Variants in TBXA2R observed in about 807,000 individuals in gnomAD.
The protein encoded by TBXA2R is thromboxane A2 receptor, also known as prostanoid TP receptor.
TBXA2R carries 15 observed loss-of-function variants against 15.6 expected under a neutral mutation model. The observed-to-expected ratio is 0.96, with a 90% CI of 0.64 to 1.48. TBXA2R has a LOEUF of 1.48. Ranked by LOEUF, TBXA2R falls within the 40% of genes most tolerant of loss-of-function variation. The pLI, the probability that TBXA2R is intolerant of heterozygous loss-of-function variation, is 0.00. For missense variants in TBXA2R, 506 were observed against 491.4 expected (o/e 1.03, Z -0.28); for synonymous variants, 280 against 241.2 (o/e 1.16, Z -1.49).
chr19:3,596,742 C>T lies in TBXA2R; in HGVS notation c.787-809G>A, dbSNP rs373827894. Reference sequence around the variant, plus strand: ...GACTACAGGCGCCCACCACCACATCCGGCTAATTTTTTGTATTTTTAGTAG... The same window carrying T: ...GACTACAGGCGCCCACCACCACATCTGGCTAATTTTTTGTATTTTTAGTAG... On this transcript the variant is annotated intron_variant, in intron 2 of 2. Coordinates refer to ENST00000375190, the MANE Select transcript of TBXA2R (RefSeq NM_001060.6). 6.8e-4 allele frequency among the ~76,000 whole-genome samples: 99 copies of T among 146,186 alleles called. 1 individual carries two copies. In the East Asian group the frequency reaches 0.019, roughly 27 times the overall value.
chr19:3,599,360 C>G (rs970574435), intron 2 of TBXA2R, among the ~76,000 whole-genome samples: 1 of 148,040 alleles, frequency 6.8e-6, no homozygotes, highest in Non-Finnish European at 1.5e-5. Context: ...GACGGAGTCT[C>G]GCTCTGTCGC....
chr19:3,595,457 G>A lies in TBXA2R; in HGVS notation c.*231C>T. 8 of 1,419,746 alleles carry A rather than the reference G, an allele frequency of 5.6e-6. No homozygotes were observed. The highest frequency in any genetic ancestry group is 2.5e-5 in the East Asian group (1 of 39,598). 87.9% of individuals were successfully genotyped at this position (1,419,746 alleles called of 1,614,324 possible). A position where few individuals can be genotyped will look rare whatever the true frequency, so the allele number is the denominator to read the frequency against. ...GGGTTGGGAGGGACGCAGAGAAGGG[G>A]TGGGAGCTCTGGATGGGAAAAAGGG... On this transcript the variant is annotated 3_prime_UTR_variant, in exon 3 of 3. Transcript: ENST00000375190.
intron 2 of TBXA2R, among the ~76,000 whole-genome samples, chr19:3,598,503 A>AT (rs1364081797): frequency 6.6e-6 from 1 of 150,718 alleles, no homozygotes; most frequent in Non-Finnish European, 1.5e-5. Context: ...GGAGTGTGCC[A>AT]TCATGGTTAG....
Position 3,600,488 on chromosome 19 carries a change from C to T in TBXA2R, c.147G>A (p.Leu49=). ...LASNLLALSV[L]AGARQGGSHT... ...GCGAACCCCCCTGCCGCGCGCCCGC[C>T]AGCACGCTCAGGGCCAGCAGGTTGG... The change falls in exon 2 of 3, where the codon CTG becomes CTA. Residue 49 remains leucine, a synonymous_variant. Coordinates refer to ENST00000375190, the MANE Select transcript of TBXA2R (RefSeq NM_001060.6). 6.2e-7 allele frequency: 1 copy of T among 1,612,870 alleles called. No homozygotes were observed. The highest frequency in any genetic ancestry group is 8.5e-7 in the Non-Finnish European group (1 of 1,179,644).
chr19:3,599,325 TTTTATTTTTTA>T lies in TBXA2R; in HGVS notation c.786+513_786+523del, dbSNP rs1276397361. The stretch of plus-strand genomic sequence containing the variant: ...ACATGCCACCATGTCTGGCTAATTT[TTTTATTTTTTA>T]TTTTTTTTTTTGAGACGGAGTCTCG... On this transcript the variant is annotated intron_variant, in intron 2 of 2. Coordinates refer to ENST00000375190, the MANE Select transcript of TBXA2R (RefSeq NM_001060.6). Among the ~76,000 whole-genome samples the T allele has an allele frequency of 1.7e-4, 16 of 96,646 alleles. 1 individual carries two copies. Among genetic ancestry groups the T allele is most frequent in the Admixed American group, 1.9e-4 (2 of 10,770 alleles). The allele number at this position is 96,646 out of a possible 152,430, so 63.4% of individuals were successfully genotyped here.
Position 3,595,728 on chromosome 19 carries a change from G to T in TBXA2R, c.992C>A (p.Ser331Tyr). 1 of 1,601,010 alleles carries T rather than the reference G, an allele frequency of 6.2e-7. No individual in the cohort carries two copies. Among genetic ancestry groups the T allele is most frequent in the Non-Finnish European group, 8.5e-7 (1 of 1,174,700 alleles). ...GCGCTGCGTGAGCTGGGGCTGGAGGGACAGCGACCTGGGCCGGGTGCTGAG... is the reference window on the plus strand; with the variant it reads ...GCGCTGCGTGAGCTGGGGCTGGAGGTACAGCGACCTGGGCCGGGTGCTGAG... Reference protein sequence around the residue: ...PRLSTRPRSLSLQPQLTQRSG... With the variant: ...PRLSTRPRSLYLQPQLTQRSG... Residue 331 changes from serine to tyrosine, a missense_variant, in exon 3 of 3, where the codon TCC becomes TAC. Ser to Tyr is a moderately radical substitution (Grantham distance 144). Coordinates refer to ENST00000375190, the MANE Select transcript of TBXA2R (RefSeq NM_001060.6).
Position 3,595,138 on chromosome 19 carries a change from GGA to G in TBXA2R, c.*548_*549del, listed in dbSNP as rs1463277989. 1.5e-6 allele frequency: 1 copy of G among 655,484 alleles called. No homozygotes were observed. Among genetic ancestry groups the G allele is most frequent in the Non-Finnish European group, 2.5e-6 (1 of 397,902 alleles). 40.6% of individuals were successfully genotyped at this position (655,484 alleles called of 1,614,324 possible). On this transcript the variant is annotated 3_prime_UTR_variant, in exon 3 of 3. Coordinates refer to ENST00000375190, the MANE Select transcript of TBXA2R (RefSeq NM_001060.6). ...TCATGCCTGTGATCCCAGCACTTTGGGAGGCTGAGGCTGGTGAATCACCTGAG... is the reference window on the plus strand; with the variant it reads ...TCATGCCTGTGATCCCAGCACTTTGGGGCTGAGGCTGGTGAATCACCTGAG...
At chr19:3,601,876 G>A (rs979889455) in intron 1 of TBXA2R, among the ~76,000 whole-genome samples, 4 of 151,420 alleles carry the variant, frequency 2.6e-5, no homozygotes, top group Non-Finnish European at 4.4e-5. Flanking sequence ...GCAGTGAGCC[G>A]AGATCGCACT....
intron 2 of TBXA2R, among the ~76,000 whole-genome samples, 183 bp from the exon 3 acceptor site, chr19:3,596,116 C>T (rs549430104): frequency 6.6e-6 from 1 of 152,326 alleles, no homozygotes; most frequent in East Asian, 1.9e-4. Context: ...GCAACCTCTG[C>T]CTCCCGGGTT....
Position 3,595,005 on chromosome 19 carries a change from G to A in TBXA2R, c.*683C>T, listed in dbSNP as rs13306048. ...TGAGGCACGAGAATCGCTTGAACCC[G>A]GGAGGCGGAGGTTGCAGTGAGCCGA... On this transcript the variant is annotated 3_prime_UTR_variant, in exon 3 of 3. Transcript: ENST00000375190. The A allele has an allele frequency of 1.0e-4, 151 of 1,475,106 alleles. 1 individual carries two copies. The East Asian group carries it at 2.8e-3, about 27-fold the overall frequency. The allele number at this position is 1,475,106 out of a possible 1,614,324, so 91.4% of individuals were successfully genotyped here.
intron 2 of TBXA2R, among the ~76,000 whole-genome samples, chr19:3,597,126 G>C (rs2032619279): frequency 6.6e-6 from 1 of 151,242 alleles, no homozygotes; most frequent in African/African-American, 2.4e-5. Flanking sequence ...ATTTTTAGTA[G>C]AGACGGGGTT....
chr19:3,595,869 C>A lies in TBXA2R; in HGVS notation c.851G>T (p.Arg284Leu). 1 of 1,609,406 alleles carries A rather than the reference C, an allele frequency of 6.2e-7. No individual in the cohort carries two copies. The highest frequency in any genetic ancestry group is 8.5e-7 in the Non-Finnish European group (1 of 1,178,348). Residue 284 changes from arginine to leucine, a missense_variant, in exon 3 of 3, where the codon CGC becomes CTC. Arg to Leu is a moderately radical substitution (Grantham distance 102). Transcript: ENST00000375190. ...PAMSPAGQLS[R>L]TTEKELLIYL... The stretch of plus-strand genomic sequence containing the variant: ...GATGAGCAGCTCCTTCTCCGTGGTG[C>A]GGGACAGCTGCCCGGCGGGGCTCAT...
intron 1 of TBXA2R, among the ~76,000 whole-genome samples, chr19:3,602,545 G>A (rs550736486): frequency 6.6e-5 from 10 of 152,062 alleles, no homozygotes; most frequent in Admixed American, 5.9e-4. Context: ...GAGACCAGCC[G>A]GACCAACATG....
rs1002471039 is a variant in TBXA2R at position 3,595,419 on chromosome 19, C to G, written c.*269G>C. The G allele has an allele frequency of 3.6e-6, 5 of 1,403,824 alleles. No homozygotes were observed. In the South Asian group the frequency reaches 5.3e-5, roughly 15 times the overall value. 87.0% of individuals were successfully genotyped at this position (1,403,824 alleles called of 1,614,324 possible). ...ATGCAAGACCCTCTTCCAATGTCTG[C>G]ATGCCCTTCCTGGGGTTGGGAGGGA... On this transcript the variant is annotated 3_prime_UTR_variant, in exon 3 of 3. Transcript: ENST00000375190.
Position 3,600,404 on chromosome 19 carries a change from C to A in TBXA2R, c.231G>T (p.Gly77=), listed in dbSNP as rs769972769. The A allele has an allele frequency of 2.5e-6, 4 of 1,613,358 alleles. No individual in the cohort carries two copies. The South Asian group carries it at 4.4e-5, about 18-fold the overall frequency. ...CCACGATGGTACCGGTCACCAGCAG[C>A]CCCAGGAAGTCGGTGAGGACGAGGC... is the stretch of plus-strand genomic sequence containing the variant. ...LCGLVLTDFL[G]LLVTGTIVVS... is the part of the protein sequence containing the mutation. Residue 77 remains glycine (G), a synonymous_variant, in exon 2 of 3, where the codon GGG becomes GGT. Transcript: ENST00000375190.
In TBXA2R at chr19:3,595,078, TAAA is replaced by T. The variant is rs34885751; in HGVS notation, c.*607_*609del. Reference sequence around the variant, plus strand: ...CTGGGCCACAGAGTGAGACTCCGTCTAAAAAAAAAAAAAAAAATGGCCAGGTGT... The same window carrying T: ...CTGGGCCACAGAGTGAGACTCCGTCTAAAAAAAAAAAAAATGGCCAGGTGT... On this transcript the variant is annotated 3_prime_UTR_variant, in exon 3 of 3. Transcript: ENST00000375190. 1,445 of 474,752 alleles carry T rather than the reference TAAA, an allele frequency of 3.0e-3. No individual in the cohort carries two copies. The highest frequency in any genetic ancestry group is 4.4e-3 in the East Asian group (107 of 24,162). The allele number at this position is 474,752 out of a possible 1,614,324, so 29.4% of individuals were successfully genotyped here. A position where few individuals can be genotyped will look rare whatever the true frequency, so the allele number is the denominator to read the frequency against.
At chr19:3,604,628 C>G (rs2032796834) in intron 1 of TBXA2R, among the ~76,000 whole-genome samples, 3 of 151,980 alleles carry the variant, frequency 2.0e-5, no homozygotes, top group African/African-American at 2.4e-5. Flanking sequence ...AGGCTCTAGT[C>G]CCTGATCTGC....
rs1480068116 is a variant in TBXA2R, at chr19:3,595,626, T to G, written c.*62A>C. 4 of 1,503,720 alleles carry G rather than the reference T, an allele frequency of 2.7e-6. No individual in the cohort carries two copies. The African/African-American group carries it at 5.5e-5, about 21-fold the overall frequency. The allele number at this position is 1,503,720 out of a possible 1,614,324, so 93.1% of individuals were successfully genotyped here. On this transcript the variant is annotated 3_prime_UTR_variant, in exon 3 of 3. Coordinates refer to ENST00000375190, the MANE Select transcript of TBXA2R (RefSeq NM_001060.6). ...CCCCTGAATCCTCAGAACAGGCAGATGGGCTGTCCGAGGGGCCAAGGGCTC... is the reference window on the plus strand; with the variant it reads ...CCCCTGAATCCTCAGAACAGGCAGAGGGGCTGTCCGAGGGGCCAAGGGCTC...
intron 1 of TBXA2R, among the ~76,000 whole-genome samples, chr19:3,603,033 C>A (rs2032768525): frequency 8.2e-6 from 1 of 122,432 alleles, no homozygotes; most frequent in Non-Finnish European, 1.9e-5. Flanking sequence ...GAGACTCCAT[C>A]TCAAAAAAAA....
Sources: gnomAD v4.1 joint callset for allele counts (sites outside exome capture counted in the v4.1 genomes callset) on GRCh38, gnomAD v4.1.1 for gene constraint, MANE v1.5 for transcripts, NCBI Gene and HGNC (gene_info 2026-07-23, HGNC 2026-07-21) for gene names.